TAF10: variants seen among roughly 807,000 people sequenced by gnomAD.
The protein encoded by TAF10 is TATA-box binding protein associated factor 10.
Under a neutral mutation model 18.1 loss-of-function variants are expected in TAF10, and 2 were observed. That is an observed-to-expected ratio of 0.11 (90% CI 0.05 to 0.35). The LOEUF (loss-of-function observed/expected upper bound fraction) is 0.35. Among genes scored for constraint, TAF10 ranks in the 10% least tolerant of loss-of-function variants. TAF10 has a pLI of 1.00. For synonymous variants in TAF10, 158 were observed against 134.6 expected (o/e 1.17, Z -1.20); for missense variants, 293 against 306.9 (o/e 0.95, Z 0.34).
Position 6,609,635 on chromosome 11 carries a change from C to G in TAF10, c.*1287G>C, listed in dbSNP as rs1292157006. 2.5e-6 allele frequency: 4 copies of G among 1,614,072 alleles called. No homozygotes were observed. In the African/African-American group the frequency reaches 5.3e-5, roughly 22 times the overall value. On this transcript the variant is annotated 3_prime_UTR_variant, in exon 5 of 5. Coordinates refer to ENST00000299424, the MANE Select transcript of TAF10 (RefSeq NM_006284.4). ...CCCTCTACAATGTACTACATGAAGG[C>G]ACCAGTGAGTAGGGATGTTGAATTT...
In TAF10 at chr11:6,612,080, G is replaced by C; in HGVS notation, c.110C>G (p.Thr37Ser). ...VSAPAALPSS[T>S]AAENKASPAG... Reference sequence around the variant, plus strand: ...GGGGCTGGCCTTGTTCTCCGCGGCGGTGCTGGAGGGCAGCGCGGCGGGAGC... The same window carrying C: ...GGGGCTGGCCTTGTTCTCCGCGGCGCTGCTGGAGGGCAGCGCGGCGGGAGC... The change falls in exon 1 of 5, where the codon ACC becomes AGC. Residue 37 changes from threonine to serine, a missense_variant. Physicochemically the swap from Thr to Ser is moderately conservative, Grantham distance 58. Transcript: ENST00000299424. 1 of 1,260,912 alleles carries C rather than the reference G, an allele frequency of 7.9e-7. No homozygotes were observed. The highest frequency in any genetic ancestry group is 1.0e-6 in the Non-Finnish European group (1 of 1,004,698). The allele number at this position is 1,260,912 out of a possible 1,614,324, so 78.1% of individuals were successfully genotyped here.
In TAF10 at chr11:6,610,880, G is replaced by GTGGGGACA; in HGVS notation, c.*34_*41dup. On this transcript the variant is annotated 3_prime_UTR_variant, in exon 5 of 5. Transcript: ENST00000299424. Reference sequence around the variant, plus strand: ...AAGTTTATTATGAAAACAGGCTGGTGTGGGGACATGGGGACAGATAAGTAC... The same window carrying GTGGGGACA: ...AAGTTTATTATGAAAACAGGCTGGTGTGGGGACATGGGGACATGGGGACAGATAAGTAC... The GTGGGGACA allele has an allele frequency of 6.2e-7, 1 of 1,601,418 alleles. No individual in the cohort carries two copies. Among genetic ancestry groups the GTGGGGACA allele is most frequent in the South Asian group, 1.1e-5 (1 of 90,792 alleles).
In TAF10 at chr11:6,609,150, T is replaced by C. The variant is rs2134561686; in HGVS notation, c.*1772A>G. On this transcript the variant is annotated 3_prime_UTR_variant, in exon 5 of 5. Coordinates refer to ENST00000299424, the MANE Select transcript of TAF10 (RefSeq NM_006284.4). The stretch of plus-strand genomic sequence containing the variant: ...TGACGAAGCTCAACGAGAATCACTC[T>C]GGAGAGGTGACCCCTGCCCTTCTTG... 6.2e-7 allele frequency: 1 copy of C among 1,613,806 alleles called. No homozygotes were observed. Among genetic ancestry groups the C allele is most frequent in the Non-Finnish European group, 8.5e-7 (1 of 1,179,666 alleles).
Position 6,609,593 on chromosome 11 carries a change from C to T in TAF10, c.*1329G>A. 4 of 1,614,196 alleles carry T rather than the reference C, an allele frequency of 2.5e-6. No homozygotes were observed. The highest frequency in any genetic ancestry group is 1.7e-6 in the Non-Finnish European group (2 of 1,180,012). ...CTCCTCATCCTACTCTCATCACACACTGGATGCCGTATGGATCCCTCTACA... is the reference window on the plus strand; with the variant it reads ...CTCCTCATCCTACTCTCATCACACATTGGATGCCGTATGGATCCCTCTACA... On this transcript the variant is annotated 3_prime_UTR_variant, in exon 5 of 5. Coordinates refer to ENST00000299424, the MANE Select transcript of TAF10 (RefSeq NM_006284.4).
At position 6,609,756 on chromosome 11, in the gene TAF10, T is replaced by C; in HGVS notation, c.*1166A>G. On this transcript the variant is annotated 3_prime_UTR_variant, in exon 5 of 5. Coordinates refer to ENST00000299424, the MANE Select transcript of TAF10 (RefSeq NM_006284.4). Reference sequence around the variant, plus strand: ...CGTGGACCAGAGCCAGGCTGTGAAGTTTGCTTTGGACATGGCAAGGGGCAT... The same window carrying C: ...CGTGGACCAGAGCCAGGCTGTGAAGCTTGCTTTGGACATGGCAAGGGGCAT... The C allele has an allele frequency of 6.2e-7, 1 of 1,614,156 alleles. No homozygotes were observed. Among genetic ancestry groups the C allele is most frequent in the Non-Finnish European group, 8.5e-7 (1 of 1,180,026 alleles).
At position 6,609,033 on chromosome 11, in the gene TAF10, A is replaced by T; in HGVS notation, c.*1889T>A. 1.2e-6 allele frequency: 2 copies of T among 1,611,888 alleles called. No individual in the cohort carries two copies. Among genetic ancestry groups the T allele is most frequent in the South Asian group, 1.1e-5 (1 of 91,028 alleles). On this transcript the variant is annotated 3_prime_UTR_variant, in exon 5 of 5. Transcript: ENST00000299424. The stretch of plus-strand genomic sequence containing the variant: ...AATCCTGGCCTCTTGGGGCTGGGTT[A>T]GGGTGAAGCTGGGTACCTGACCTGC...
chr11:6,607,827 T>A lies in TAF10; in HGVS notation c.*3095A>T. On this transcript the variant is annotated 3_prime_UTR_variant, in exon 5 of 5. Transcript: ENST00000299424. ...GTGGGATATGGTGAAGATAACACAT[T>A]TTTTTATAGAGGTTGTTGAGATATC... 1.7e-6 allele frequency: 1 copy of A among 579,588 alleles called. No individual in the cohort carries two copies. The allele number at this position is 579,588 out of a possible 1,614,324, so 35.9% of individuals were successfully genotyped here.
At position 6,611,461 on chromosome 11, in the gene TAF10, T is replaced by C. The variant is rs755077270; in HGVS notation, c.388-9A>G. ...GTCACTGCATCTGGGATCTGAGAAA[T>C]CAATTAAGAGAACTGTCAGCAGAGC... On this transcript the variant is annotated splice_polypyrimidine_tract_variant and intron_variant, in intron 2 of 4. Transcript: ENST00000299424. 1.8e-5 allele frequency: 29 copies of C among 1,613,778 alleles called. No individual in the cohort carries two copies. The East Asian group carries it at 6.2e-4, about 35-fold the overall frequency.
At chr11:6,611,630 C>T in intron 2 of TAF10, 34 bp downstream of exon 2, 1 of 1,574,998 alleles carries the variant, frequency 6.3e-7, no homozygotes, top group East Asian at 2.3e-5. Context: ...GTTTTGACAG[C>T]AGGCTAGGTG....
rs1554899641 is a variant in TAF10 at position 6,609,918 on chromosome 11, C to CT, written c.*1003dup. 6.2e-7 allele frequency: 1 copy of CT among 1,614,160 alleles called. No individual in the cohort carries two copies. Among genetic ancestry groups the CT allele is most frequent in the Non-Finnish European group, 8.5e-7 (1 of 1,179,996 alleles). On this transcript the variant is annotated 3_prime_UTR_variant, in exon 5 of 5. Transcript: ENST00000299424. ...CTATCTATGACTTACCTCCTTCTAT[C>CT]TGTTTTCTCTTCCTCAGATTGATGA...
At position 6,608,180 on chromosome 11, in the gene TAF10, C is replaced by G; in HGVS notation, c.*2742G>C. Reference sequence around the variant, plus strand: ...GATGACACCCCCCTGCATCTGGCAGCCAGTCATGGACACCGTGATATTGTA... The same window carrying G: ...GATGACACCCCCCTGCATCTGGCAGGCAGTCATGGACACCGTGATATTGTA... On this transcript the variant is annotated 3_prime_UTR_variant, in exon 5 of 5. Coordinates refer to ENST00000299424, the MANE Select transcript of TAF10 (RefSeq NM_006284.4). This position sits in a 1 kb window ranked among gnomAD's most constrained non-coding sequence, Gnocchi z 4.9. 1 of 1,614,138 alleles carries G rather than the reference C, an allele frequency of 6.2e-7. No homozygotes were observed. The highest frequency in any genetic ancestry group is 8.5e-7 in the Non-Finnish European group (1 of 1,180,016).
rs750253949 is a variant in TAF10 at position 6,611,402 on chromosome 11, G to A, written c.438C>T (p.Ala146=). The change falls in exon 3 of 5, where the codon GCC becomes GCT. Residue 146 remains alanine, a synonymous_variant. Transcript: ENST00000299424. ...GGTTTACTCACATGCGTGGGTCTGA[G>A]GCCTCAAAGCCAGCACGGTTCAGGT... ...GYYLNRAGFE[A]SDPRIIRLIS... The A allele has an allele frequency of 3.7e-6, 6 of 1,614,190 alleles. No individual in the cohort carries two copies. The South Asian group carries it at 6.6e-5, about 18-fold the overall frequency.
In TAF10 at chr11:6,611,368, C is replaced by T. The variant is rs1855455494; in HGVS notation, c.452+20G>A. ...ATACTGCACAAGCACCCAAAACTAA[C>T]CTGCCCTGGGTTTACTCACATGCGT... On this transcript the variant is annotated intron_variant, in intron 3 of 4. Coordinates refer to ENST00000299424, the MANE Select transcript of TAF10 (RefSeq NM_006284.4). The T allele has an allele frequency of 6.2e-7, 1 of 1,614,152 alleles. No homozygotes were observed. The highest frequency in any genetic ancestry group is 8.5e-7 in the Non-Finnish European group (1 of 1,180,028).
At chr11:6,611,361 A>G in intron 3 of TAF10, 27 bp downstream of exon 3, 1 of 1,614,196 alleles carries the variant, frequency 6.2e-7, no homozygotes, top group Non-Finnish European at 8.5e-7. Context: ...CAAGCACCCA[A>G]AACTAACCTG....
Position 6,610,302 on chromosome 11 carries a change from T to G in TAF10, c.*620A>C, listed in dbSNP as rs1408131263. ...AGGTGAGAGCACAACAGCATACATT[T>G]GTGTTGCGGGAGTGGTTGGTGATGG... On this transcript the variant is annotated 3_prime_UTR_variant, in exon 5 of 5. Transcript: ENST00000299424. The G allele has an allele frequency of 1.2e-6, 2 of 1,613,978 alleles. No homozygotes were observed. Among genetic ancestry groups the G allele is most frequent in the Non-Finnish European group, 1.7e-6 (2 of 1,180,052 alleles).
chr11:6,610,766 G>A lies in TAF10; in HGVS notation c.*156C>T. 7.6e-7 allele frequency: 1 copy of A among 1,322,108 alleles called. No homozygotes were observed. 81.9% of individuals were successfully genotyped at this position (1,322,108 alleles called of 1,614,324 possible). A position where few individuals can be genotyped will look rare whatever the true frequency, so the allele number is the denominator to read the frequency against. ...ATCCCCTTCCCCCATCCCTACCACTGTGGCCCCAAGAGGGGCGGGCTCAGA... is the reference window on the plus strand; with the variant it reads ...ATCCCCTTCCCCCATCCCTACCACTATGGCCCCAAGAGGGGCGGGCTCAGA... On this transcript the variant is annotated 3_prime_UTR_variant, in exon 5 of 5. Coordinates refer to ENST00000299424, the MANE Select transcript of TAF10 (RefSeq NM_006284.4).
Position 6,607,799 on chromosome 11 carries a change from G to C in TAF10, c.*3123C>G, listed in dbSNP as rs1855078582. The C allele has an allele frequency of 3.7e-6, 2 of 534,702 alleles. No individual in the cohort carries two copies. The highest frequency in any genetic ancestry group is 4.1e-5 in the South Asian group (2 of 48,772). 33.1% of individuals were successfully genotyped at this position (534,702 alleles called of 1,614,324 possible). A position where few individuals can be genotyped will look rare whatever the true frequency, so the allele number is the denominator to read the frequency against. ...AGAGCACTACCACCTAAGGAAATGA[G>C]ATGTGGGATATGGTGAAGATAACAC... On this transcript the variant is annotated 3_prime_UTR_variant, in exon 5 of 5. Coordinates refer to ENST00000299424, the MANE Select transcript of TAF10 (RefSeq NM_006284.4).
In TAF10 at chr11:6,606,944, G is replaced by A. The variant is rs1460964025; in HGVS notation, c.*3978C>T. 6.6e-6 allele frequency: 1 copy of A among 152,260 alleles called. No homozygotes were observed. The highest frequency in any genetic ancestry group is 1.5e-5 in the Non-Finnish European group (1 of 68,062). 9.4% of individuals were successfully genotyped at this position (152,260 alleles called of 1,614,324 possible). ...GGGGATAATCCCATCTCAAGGAAAA[G>A]CTTTTGGCTATTTCTGTGTTAGCAG... On this transcript the variant is annotated 3_prime_UTR_variant, in exon 5 of 5. Transcript: ENST00000299424.
At position 6,609,848 on chromosome 11, in the gene TAF10, G is replaced by A. The variant is rs1319649182; in HGVS notation, c.*1074C>T. ...CACTCAATAGCCGTAGTGTAATGGTGAGGCCACAAGCTCACTCCTGGCCCA... is the reference window on the plus strand; with the variant it reads ...CACTCAATAGCCGTAGTGTAATGGTAAGGCCACAAGCTCACTCCTGGCCCA... On this transcript the variant is annotated 3_prime_UTR_variant, in exon 5 of 5. Coordinates refer to ENST00000299424, the MANE Select transcript of TAF10 (RefSeq NM_006284.4). 4 of 1,614,082 alleles carry A rather than the reference G, an allele frequency of 2.5e-6. No homozygotes were observed. In the African/African-American group the frequency reaches 4.0e-5, roughly 16 times the overall value.
Sources: allele counts gnomAD v4.1 joint callset, GRCh38; gene constraint gnomAD v4.1.1; non-coding constraint Gnocchi (gnomAD v3.1); transcripts MANE v1.5; gene names NCBI Gene and HGNC (gene_info 2026-07-23, HGNC 2026-07-21).